ZC3H12B: variants seen among roughly 807,000 people sequenced by gnomAD.
ZC3H12B encodes the protein zinc finger CCCH-type containing 12B, also known as probable ribonuclease ZC3H12B.
A neutral mutation model predicts 43.9 loss-of-function variants in ZC3H12B; 7 were observed. That is an observed-to-expected ratio of 0.16 (90% confidence interval 0.09 to 0.30). The LOEUF (loss-of-function observed/expected upper bound fraction) is 0.30, where lower values mean the gene tolerates loss of function less well. ZC3H12B is among the 10% of genes least tolerant of loss of function. The pLI is 1.00. For missense variants in ZC3H12B, 475 were observed against 670.2 expected (o/e 0.71, Z 3.22); for synonymous variants, 222 against 241.7 (o/e 0.92, Z 0.76).
the ZC3H12B span, among the ~76,000 whole-genome samples, chrX:65,297,196 G>A: frequency 1.6e-4 from 18 of 111,004 alleles, no homozygotes; most frequent in Non-Finnish European, 2.1e-4. Context: ...TTAGTAAAGA[G>A]AAAGTCAAAC....
At chrX:65,411,553 C>T (rs1332217212) in intron 3 of ZC3H12B, among the ~76,000 whole-genome samples, 2 of 109,519 alleles carry the variant, frequency 1.8e-5, no homozygotes, top group Non-Finnish European at 3.8e-5. Context: ...TGGTGAAAAC[C>T]CGTCTCTACT....
the ZC3H12B span, among the ~76,000 whole-genome samples, chrX:65,287,989 CATATATAT>C: frequency 3.3e-5 from 3 of 90,440 alleles, no homozygotes; most frequent in African/African-American, 1.1e-4. Context: ...ATTTTATATA[CATATATAT>C]ATATATATAT....
chrX:65,361,071 A>AT, the ZC3H12B span, among the ~76,000 whole-genome samples: 4 of 111,595 alleles, frequency 3.6e-5, no homozygotes, highest in Admixed American at 1.9e-4. Context: ...TAACTTCTTG[A>AT]TTTTTTTCTG....
At chrX:65,225,137 G>T in the ZC3H12B span, among the ~76,000 whole-genome samples, 2 of 111,659 alleles carry the variant, frequency 1.8e-5, no homozygotes, top group East Asian at 5.7e-4. Flanking sequence ...AGTAGGGGCA[G>T]ACTGACAACT....
chrX:65,122,861 A>G, the ZC3H12B span, among the ~76,000 whole-genome samples: 78 of 111,815 alleles, frequency 7.0e-4, 2 homozygotes, highest in Admixed American at 7.2e-3. Context: ...TGCATCCAAT[A>G]CAGGAGCACC....
chrX:65,382,055 C>T (rs1318533981), intron 2 of ZC3H12B, among the ~76,000 whole-genome samples: 1 of 112,009 alleles, frequency 8.9e-6, no homozygotes, highest in African/African-American at 3.3e-5. Flanking sequence ...CCTTCTGAAA[C>T]TATTCCAATC....
At chrX:65,183,403 G>T in the ZC3H12B span, among the ~76,000 whole-genome samples, 1 of 111,103 alleles carries the variant, frequency 9.0e-6, no homozygotes, top group Admixed American at 9.7e-5. Flanking sequence ...AGACACTGGG[G>T]TCTATTTGAG....
chrX:65,464,441 ATTT>A (rs1473766443), intron 3 of ZC3H12B, among the ~76,000 whole-genome samples: 1 of 108,439 alleles, frequency 9.2e-6, no homozygotes, highest in Non-Finnish European at 1.9e-5. Context: ...CCATATAATA[ATTT>A]TTATTTCTGT....
At chrX:65,072,290 C>T in the ZC3H12B span, among the ~76,000 whole-genome samples, 4 of 112,449 alleles carry the variant, frequency 3.6e-5, no homozygotes, top group South Asian at 1.5e-3. Flanking sequence ...CATGTGTTTT[C>T]AGCTCTATCA....
At chrX:65,503,395 G>T (rs1220847952) in exon 5 of ZC3H12B, 4 of 393,478 alleles carry the variant, frequency 1.0e-5, no homozygotes, top group Non-Finnish European at 1.7e-5. Context: ...GAAGGAAGGT[G>T]AAGGTCAGTG....
the ZC3H12B span, among the ~76,000 whole-genome samples, chrX:65,235,953 A>C: frequency 8.9e-6 from 1 of 111,888 alleles, no homozygotes; most frequent in East Asian, 2.8e-4. Flanking sequence ...TGAGCAACAG[A>C]AGGAAAGCTC....
chrX:65,127,830 C>G, the ZC3H12B span, among the ~76,000 whole-genome samples: 2 of 110,862 alleles, frequency 1.8e-5, no homozygotes, highest in Non-Finnish European at 3.8e-5. Context: ...GGCCTCACCC[C>G]CCTCCCACAC....
At chrX:65,184,734 A>G in the ZC3H12B span, among the ~76,000 whole-genome samples, 21 of 111,709 alleles carry the variant, frequency 1.9e-4, no homozygotes, top group Admixed American at 1.9e-3. Context: ...AACATGGTAT[A>G]CATGTATACA....
At chrX:65,135,737 ATTTG>A in the ZC3H12B span, among the ~76,000 whole-genome samples, 2 of 78,713 alleles carry the variant, frequency 2.5e-5, no homozygotes, top group East Asian at 4.1e-4. Flanking sequence ...CTGATGCTCT[ATTTG>A]TTTGTTTTCT....
rs1021606553 is a variant in ZC3H12B, at chrX:65,428,523, C to A, written n.407+29819C>A. Among the ~76,000 whole-genome samples the A allele has an allele frequency of 4.4e-5, 5 of 112,536 alleles. No individual in the cohort carries two copies. The South Asian group carries it at 1.4e-3, about 33-fold the overall frequency. On this transcript the variant is annotated intron_variant and non_coding_transcript_variant, in intron 3 of 5. Coordinates refer to the ZC3H12B transcript ENST00000617377. Reference sequence around the variant, plus strand: ...AAGATAGTCTTCAAACTCTGAGATTCTTTCCTCCATTTGGTCTATTCTGCT... The same window carrying A: ...AAGATAGTCTTCAAACTCTGAGATTATTTCCTCCATTTGGTCTATTCTGCT...
chrX:65,479,367 ATT>A (rs57725933), intron 3 of ZC3H12B, among the ~76,000 whole-genome samples: 8,169 of 91,729 alleles, frequency 0.089, 1,009 homozygotes, highest in African/African-American at 0.31. Context: ...CACTATTTGT[ATT>A]TTTTTTTTTT....
At chrX:65,435,070 G>T (rs1489556646) in intron 3 of ZC3H12B, among the ~76,000 whole-genome samples, 2 of 111,995 alleles carry the variant, frequency 1.8e-5, no homozygotes. Flanking sequence ...TACAAGGTTG[G>T]GGGTTCATCT....
chrX:65,080,743 T>C, the ZC3H12B span, among the ~76,000 whole-genome samples: 1 of 111,536 alleles, frequency 9.0e-6, no homozygotes. Flanking sequence ...GTAATTCAAC[T>C]ATAAAGAAAA....
chrX:65,126,658 A>G, the ZC3H12B span, among the ~76,000 whole-genome samples: 2 of 105,377 alleles, frequency 1.9e-5, no homozygotes, highest in African/African-American at 3.6e-5. Context: ...CATAGTCCAA[A>G]GCTTCCGGAG....
Sources: allele counts gnomAD v4.1 joint callset (sites outside exome capture counted in the v4.1 genomes callset), GRCh38; gene constraint gnomAD v4.1.1; transcripts MANE v1.5; gene names NCBI Gene and HGNC (gene_info 2026-07-23, HGNC 2026-07-21).